The following KIF24 variants were observed in gnomAD, a reference collection of about 807,000 sequenced individuals.
KIF24 encodes kinesin family member 24, also known as kinesin-like protein KIF24.
In KIF24, 81 loss-of-function variants were observed where a neutral mutation model predicts 118.9. The ratio of observed to expected loss-of-function variants is 0.68; its 90% CI spans 0.57 to 0.82. KIF24 has a LOEUF of 0.82. Among genes scored for constraint, KIF24 ranks in the 40% least tolerant of loss-of-function variants. The probability of loss-of-function intolerance (pLI) is 0.00; values close to 1 mark genes in which losing one functional copy is unlikely to be tolerated. For synonymous variants in KIF24, 599 were observed against 610.0 expected, an observed-to-expected ratio of 0.98 and a Z score of 0.27; for missense variants, 1,560 against 1,661.6, an observed-to-expected ratio of 0.94 and a Z score of 1.06.
Position 34,290,298 on chromosome 9 carries a change from G to C in KIF24, c.1003C>G (p.Leu335Val), listed in dbSNP as rs190057600. Residue 335 changes from leucine to valine, a missense_variant, in exon 5 of 13, where the codon CTA becomes GTA. Physicochemically the swap from Leu to Val is conservative, Grantham distance 32. Coordinates refer to ENST00000402558, the MANE Select transcript of KIF24 (RefSeq NM_194313.4). ...GTHENPGLYA[L>V]AAKDIFRQLE... ...TGCCTGAAGATATCTTTGGCAGCTAGAGCATACAATCCTGGGTTCTCATGA... is the reference window on the plus strand; with the variant it reads ...TGCCTGAAGATATCTTTGGCAGCTACAGCATACAATCCTGGGTTCTCATGA... 5.6e-6 allele frequency: 9 copies of C among 1,613,730 alleles called. No individual in the cohort carries two copies. The highest frequency in any genetic ancestry group is 6.8e-6 in the Non-Finnish European group (8 of 1,179,764).
chr9:34,306,433 G>A lies in KIF24; in HGVS notation c.632C>T (p.Thr211Ile). The change falls in exon 3 of 13, where the codon ACT (threonine) becomes ATT (isoleucine). Residue 211 changes from threonine (T) to isoleucine (I), a missense_variant. Thr to Ile is a moderately conservative substitution (Grantham distance 89, BLOSUM62 -1). Coordinates refer to ENST00000402558, the MANE Select transcript of KIF24 (RefSeq NM_194313.4). ...GIPHSCIRQN[T>I]SEKQNPWTEM... The stretch of plus-strand genomic sequence containing the variant: ...AGTCCAAGGATTCTGTTTCTCTGAA[G>A]TGTTCTGTCTAATATGTTTATAAAC... The A allele has an allele frequency of 6.2e-7, 1 of 1,600,684 alleles. No homozygotes were observed. The highest frequency in any genetic ancestry group is 8.5e-7 in the Non-Finnish European group (1 of 1,173,520).
chr9:34,253,717 C>T lies in KIF24; in HGVS notation c.*663G>A, dbSNP rs1353358660. On this transcript the variant is annotated 3_prime_UTR_variant, in exon 13 of 13. Transcript: ENST00000402558. Reference sequence around the variant, plus strand: ...ACAGGCACCCTCTTCTGCCTCAACACTGGATTGCAGGAAGGGAAGGGAGCT... The same window carrying T: ...ACAGGCACCCTCTTCTGCCTCAACATTGGATTGCAGGAAGGGAAGGGAGCT... 1 of 152,248 alleles carries T rather than the reference C, an allele frequency of 6.6e-6. No individual in the cohort carries two copies. The highest frequency in any genetic ancestry group is 1.5e-5 in the Non-Finnish European group (1 of 68,102). 9.4% of individuals were successfully genotyped at this position (152,248 alleles called of 1,614,324 possible). A position where few individuals can be genotyped will look rare whatever the true frequency, so the allele number is the denominator to read the frequency against.
chr9:34,268,509 C>T lies in KIF24; in HGVS notation c.1443+748G>A, dbSNP rs192804161. On this transcript the variant is annotated intron_variant, in intron 8 of 12. Coordinates refer to ENST00000402558, the MANE Select transcript of KIF24 (RefSeq NM_194313.4). ...TGACATGATGACTAGGATTTTCTTTCTTTTTTTTTTTTTTTTGAGACTGAG... is the reference window on the plus strand; with the variant it reads ...TGACATGATGACTAGGATTTTCTTTTTTTTTTTTTTTTTTTTGAGACTGAG... 2.3e-3 allele frequency among the ~76,000 whole-genome samples: 285 copies of T among 123,554 alleles called. 4 individuals are homozygous for T. Among genetic ancestry groups the T allele is most frequent in the East Asian group, 5.0e-3 (21 of 4,226 alleles). The allele number at this position is 123,554 out of a possible 152,430, so 81.1% of individuals were successfully genotyped here. A position where few individuals can be genotyped will look rare whatever the true frequency, so the allele number is the denominator to read the frequency against.
At position 34,311,177 on chromosome 9, in the gene KIF24, A is replaced by G; in HGVS notation, c.170T>C (p.Leu57Pro). ...DMNDRKRLFQ[L>P]IKIIKIMQEE... is the part of the protein sequence containing the mutation. ...TTGCATAATCTTAATAATTTTGATA[A>G]GTTGGAAGAGACGTTTGCGGTCGTT... is the stretch of plus-strand genomic sequence containing the variant. The change falls in exon 2 of 13, where the codon CTT (leucine) becomes CCT (proline). Residue 57 changes from leucine to proline, a missense_variant. Physicochemically the swap from Leu to Pro is moderately conservative, Grantham distance 98. This residue lies in a region of KIF24 where 964 missense variants were observed against 988.0 expected (regional missense o/e 0.98). Transcript: ENST00000402558. The G allele has an allele frequency of 6.2e-7, 1 of 1,613,468 alleles. No homozygotes were observed. The highest frequency in any genetic ancestry group is 8.5e-7 in the Non-Finnish European group (1 of 1,179,540).
Position 34,311,096 on chromosome 9 carries a change from C to T in KIF24, c.251G>A (p.Arg84His), listed in dbSNP as rs369743252. 2.6e-5 allele frequency: 42 copies of T among 1,613,578 alleles called. No individual in the cohort carries two copies. The highest frequency in any genetic ancestry group is 2.0e-4 in the South Asian group (18 of 91,028). ...PERHLQTSSL[R>H]IKSQELRSGP... ...AGATCTTAATTCCTGAGATTTGATG[C>T]GCAGGCTGCTTGTCTGAAGATGACG... Residue 84 changes from arginine to histidine, a missense_variant, in exon 2 of 13, where the codon CGC becomes CAC. Physicochemically the swap from Arg to His is conservative, Grantham distance 29 (BLOSUM62 0). Around this residue, in one of 3 missense-constraint regions of KIF24, gnomAD observed 964 missense variants for 988.0 expected, o/e 0.98. Transcript: ENST00000402558.
Position 34,310,814 on chromosome 9 carries a change from G to A in KIF24, c.533C>T (p.Ser178Phe). 1.2e-6 allele frequency: 2 copies of A among 1,613,572 alleles called. No individual in the cohort carries two copies. Among genetic ancestry groups the A allele is most frequent in the Non-Finnish European group, 1.7e-6 (2 of 1,179,494 alleles). ...STSLFSPNYL[S>F]AILGDCDIPI... ...AATATCACAATCCCCCAGTATTGCA[G>A]AAAGGTAATTTGGTGAAAAGAGTGA... The change falls in exon 2 of 13, where the codon TCT (serine) becomes TTT (phenylalanine). Residue 178 changes from serine to phenylalanine, a missense_variant. Physicochemically the swap from Ser to Phe is radical, Grantham distance 155. Transcript: ENST00000402558.
At chr9:34,263,012 C>T (rs1229922578) in intron 9 of KIF24, 89 bp downstream of exon 9, 1 of 946,500 alleles carries the variant, frequency 1.1e-6, no homozygotes, top group East Asian at 2.6e-5. Flanking sequence ...GTCTTACTGA[C>T]AGTGGATGCT....
intron 1 of KIF24, chr9:34,319,599 C>A: frequency 1.1e-6 from 1 of 946,958 alleles, no homozygotes; most frequent in East Asian, 2.4e-5. Flanking sequence ...CGGCTCCCTG[C>A]TGTTCACTGG....
rs1587966747 is a variant in KIF24, at chr9:34,311,659, TA to T, written c.-25-289del. ...ACATATGTGTATATATACGTGTATA[TA>T]CATATATACGTGTATATGTATATAT... On this transcript the variant is annotated intron_variant, in intron 1 of 12. Transcript: ENST00000402558. 2.9e-5 allele frequency among the ~76,000 whole-genome samples: 3 copies of T among 101,862 alleles called. No homozygotes were observed. In the South Asian group the frequency reaches 1.0e-3, roughly 35 times the overall value. The allele number at this position is 101,862 out of a possible 152,430, so 66.8% of individuals were successfully genotyped here.
At chr9:34,281,208 T>C (rs562597092) in intron 6 of KIF24, among the ~76,000 whole-genome samples, 1 of 152,208 alleles carries the variant, frequency 6.6e-6, no homozygotes, top group East Asian at 1.9e-4. Flanking sequence ...GTATTTTTAG[T>C]AGAGGTGGGG....
chr9:34,265,433 A>G (rs1036156222), intron 8 of KIF24, among the ~76,000 whole-genome samples: 9 of 152,192 alleles, frequency 5.9e-5, no homozygotes, highest in South Asian at 2.1e-4. Flanking sequence ...GCCTCCCAAA[A>G]TGCTGGGATT....
At chr9:34,270,179 C>G (rs1279210416) in intron 7 of KIF24, among the ~76,000 whole-genome samples, 1 of 149,518 alleles carries the variant, frequency 6.7e-6, no homozygotes, top group Non-Finnish European at 1.5e-5. Flanking sequence ...CAAGATCACG[C>G]CACTACACTC....
chr9:34,309,258 T>C (rs1481731777), intron 2 of KIF24, among the ~76,000 whole-genome samples: 3 of 151,942 alleles, frequency 2.0e-5, no homozygotes, highest in African/African-American at 7.2e-5. Context: ...TTCAAGAAAA[T>C]AGGCCAGGCG....
intron 1 of KIF24, chr9:34,319,441 T>G (rs1306771140): frequency 1.8e-6 from 2 of 1,132,370 alleles, no homozygotes; most frequent in African/African-American, 3.0e-5. Flanking sequence ...GACCTGTACC[T>G]GACCAGCGTG....
At chr9:34,305,049 G>C (rs767041212) in intron 3 of KIF24, among the ~76,000 whole-genome samples, 1 of 152,146 alleles carries the variant, frequency 6.6e-6, no homozygotes, top group African/African-American at 2.4e-5. Flanking sequence ...TCTGGTTTTA[G>C]ATTACTCACA....
At chr9:34,295,868 G>C (rs1836449557) in intron 4 of KIF24, among the ~76,000 whole-genome samples, 1 of 151,764 alleles carries the variant, frequency 6.6e-6, no homozygotes, top group South Asian at 2.1e-4. Context: ...TTATGCAACA[G>C]AGGCCCTTAC....
rs756810741 is a variant in KIF24 at position 34,255,744 on chromosome 9, T to C, written c.3863A>G (p.Glu1288Gly). 2 of 1,610,842 alleles carry C rather than the reference T, an allele frequency of 1.2e-6. No homozygotes were observed. The highest frequency in any genetic ancestry group is 1.3e-5 in the African/African-American group (1 of 74,896). ...TAGTLRQPTLEQAQQVVIRAH... is the reference protein window; with the variant it reads ...TAGTLRQPTLGQAQQVVIRAH... Reference sequence around the variant, plus strand: ...AAAGTGTCCAACTTACTGCGCTTGCTCCAGGGTGGGCTGACGGAGTGTCCC... The same window carrying C: ...AAAGTGTCCAACTTACTGCGCTTGCCCCAGGGTGGGCTGACGGAGTGTCCC... Residue 1288 changes from glutamate (E) to glycine (G), a missense_variant, in exon 11 of 13, where the codon GAG becomes GGG. Coordinates refer to ENST00000402558, the MANE Select transcript of KIF24 (RefSeq NM_194313.4).
chr9:34,287,138 ATTTTG>A (rs1431140958), intron 5 of KIF24, among the ~76,000 whole-genome samples: 1 of 152,218 alleles, frequency 6.6e-6, no homozygotes, highest in Non-Finnish European at 1.5e-5. Flanking sequence ...AGTGGAAGCC[ATTTTG>A]TATCTACAAA....
At position 34,310,861 on chromosome 9, in the gene KIF24, A is replaced by G. The variant is rs1448079548; in HGVS notation, c.486T>C (p.Tyr162=). The G allele has an allele frequency of 3.7e-6, 6 of 1,614,064 alleles. No individual in the cohort carries two copies. The highest frequency in any genetic ancestry group is 5.1e-6 in the Non-Finnish European group (6 of 1,179,890). Reference sequence around the variant, plus strand: ...GTGAAGTGCTGATTTCTGTTTGCACATAGGAATCACCAGCTGTGGCATTCA... The same window carrying G: ...GTGAAGTGCTGATTTCTGTTTGCACGTAGGAATCACCAGCTGTGGCATTCA... ...GILNATAGDS[Y]VQTEISTSLF... is the part of the protein sequence containing the mutation. Residue 162 remains tyrosine (Y), a synonymous_variant, in exon 2 of 13, where the codon TAT becomes TAC. Coordinates refer to ENST00000402558, the MANE Select transcript of KIF24 (RefSeq NM_194313.4).
Sources: allele counts gnomAD v4.1 joint callset (sites outside exome capture counted in the v4.1 genomes callset), GRCh38; gene constraint gnomAD v4.1.1; regional missense constraint gnomAD v4.1.1; transcripts MANE v1.5; gene names NCBI Gene and HGNC (gene_info 2026-07-23, HGNC 2026-07-21).